GRXCR1: variants seen among roughly 807,000 people sequenced by gnomAD.
GRXCR1 encodes the protein glutaredoxin domain-containing cysteine-rich protein 1.
Under a neutral mutation model 27.3 loss-of-function variants are expected in GRXCR1, and 27 were observed. That is an observed-to-expected ratio of 0.99 (90% CI 0.73 to 1.37). The LOEUF (loss-of-function observed/expected upper bound fraction) is 1.37. GRXCR1 is among the 40% of genes most tolerant of loss of function. The pLI is 0.00. For missense variants in GRXCR1, 379 were observed against 354.4 expected (o/e 1.07, Z -0.56); for synonymous variants, 122 against 131.1 (o/e 0.93, Z 0.47).
chr4:42,981,904 A>G (rs1748679831), intron 2 of GRXCR1, among the ~76,000 whole-genome samples: 1 of 151,984 alleles, frequency 6.6e-6, no homozygotes, highest in Admixed American at 6.6e-5. Context: ...ATGTTTTGGA[A>G]TACTCTTGTT....
chr4:42,973,760 T>A (rs1345710848), intron 2 of GRXCR1, among the ~76,000 whole-genome samples: 2 of 152,090 alleles, frequency 1.3e-5, no homozygotes, highest in Middle Eastern at 3.2e-3. Flanking sequence ...TTCTTACTGG[T>A]TATATTTGAT....
intron 1 of GRXCR1, among the ~76,000 whole-genome samples, chr4:42,941,268 T>C (rs1241917096): frequency 2.6e-5 from 4 of 152,032 alleles, no homozygotes; most frequent in Non-Finnish European, 5.9e-5. Flanking sequence ...CTTTGGTAGT[T>C]TCAATTACCA....
chr4:43,007,249 G>A (rs1413714388), intron 2 of GRXCR1, among the ~76,000 whole-genome samples: 1 of 152,176 alleles, frequency 6.6e-6, no homozygotes, highest in Non-Finnish European at 1.5e-5. Context: ...ATTCAAGCAT[G>A]TGCTGATGCT....
intron 2 of GRXCR1, among the ~76,000 whole-genome samples, chr4:42,971,241 A>G (rs114452149): frequency 0.031 from 4,650 of 152,222 alleles, 79 homozygotes; most frequent in South Asian, 0.058. Flanking sequence ...AAACTTTCCC[A>G]TATCTTTCTC....
intron 1 of GRXCR1, among the ~76,000 whole-genome samples, chr4:42,921,255 T>C (rs918888984): frequency 6.6e-6 from 1 of 152,080 alleles, no homozygotes. Flanking sequence ...TCACCACACA[T>C]GGAATCTGCT....
intron 1 of GRXCR1, among the ~76,000 whole-genome samples, chr4:42,925,475 G>C (rs1355313237): frequency 6.6e-6 from 1 of 152,002 alleles, no homozygotes; most frequent in East Asian, 1.9e-4. Context: ...AATTGCAGCA[G>C]CCCAGTTAAC....
intron 2 of GRXCR1, among the ~76,000 whole-genome samples, chr4:42,975,099 C>T (rs903464167): frequency 6.6e-6 from 1 of 152,076 alleles, no homozygotes; most frequent in Non-Finnish European, 1.5e-5. Context: ...GACATATAAC[C>T]ATTTAAATTT....
rs865793288 is a variant in GRXCR1, at chr4:42,987,262, A to T, written c.627+24128A>T. On this transcript the variant is annotated intron_variant, in intron 2 of 3. Transcript: ENST00000399770. ...ATATAATATATAATATATATATATAATATATATATATATATAGAGAGAGAG... is the reference window on the plus strand; with the variant it reads ...ATATAATATATAATATATATATATATTATATATATATATATAGAGAGAGAG... Among the ~76,000 whole-genome samples the T allele has an allele frequency of 2.4e-3, 176 of 74,138 alleles. 1 individual carries two copies. The highest frequency in any genetic ancestry group is 8.4e-3 in the South Asian group (25 of 2,960). The allele number at this position is 74,138 out of a possible 152,430, so 48.6% of individuals were successfully genotyped here. A position where few individuals can be genotyped will look rare whatever the true frequency, so the allele number is the denominator to read the frequency against.
intron 1 of GRXCR1, among the ~76,000 whole-genome samples, chr4:42,953,323 A>C (rs1415476019): frequency 6.6e-6 from 1 of 152,168 alleles, no homozygotes; most frequent in Non-Finnish European, 1.5e-5. Flanking sequence ...TTCCAAGTGA[A>C]GGCTAGAAAG....
chr4:42,941,989 C>G (rs1747636044), intron 1 of GRXCR1, among the ~76,000 whole-genome samples: 1 of 151,974 alleles, frequency 6.6e-6, no homozygotes, highest in South Asian at 2.1e-4. Flanking sequence ...AAAACTAACA[C>G]AGCAACTTGA....
At chr4:42,904,116 A>C (rs1471492901) in intron 1 of GRXCR1, among the ~76,000 whole-genome samples, 1 of 152,204 alleles carries the variant, frequency 6.6e-6, no homozygotes, top group African/African-American at 2.4e-5. Flanking sequence ...GATCAGCAAG[A>C]TATATGGGTT....
intron 1 of GRXCR1, among the ~76,000 whole-genome samples, chr4:42,895,640 A>G (rs917723846): frequency 6.6e-6 from 1 of 152,110 alleles, no homozygotes; most frequent in Non-Finnish European, 1.5e-5. Flanking sequence ...GTCTGCATGA[A>G]TGGTACCCCT....
chr4:42,985,630 AT>A (rs1191060766), intron 2 of GRXCR1, among the ~76,000 whole-genome samples: 1 of 151,654 alleles, frequency 6.6e-6, no homozygotes, highest in African/African-American at 2.4e-5. Flanking sequence ...GAAAAACTAT[AT>A]TAAATATATT....
At chr4:42,928,442 C>G (rs921500613) in intron 1 of GRXCR1, among the ~76,000 whole-genome samples, 9 of 151,912 alleles carry the variant, frequency 5.9e-5, no homozygotes, top group African/African-American at 2.2e-4. Context: ...CTTCTGCCTC[C>G]CCAGAGTAAG....
intron 1 of GRXCR1, among the ~76,000 whole-genome samples, chr4:42,904,703 C>T (rs1746545433): frequency 6.6e-6 from 1 of 152,152 alleles, no homozygotes; most frequent in Admixed American, 6.5e-5. Context: ...TAAATACTAT[C>T]ATTTTTATTA....
At chr4:42,983,505 G>T (rs1466898505) in intron 2 of GRXCR1, among the ~76,000 whole-genome samples, 2 of 151,478 alleles carry the variant, frequency 1.3e-5, no homozygotes, top group African/African-American at 4.9e-5. Context: ...CTCCAGCTTT[G>T]TTCTTTTGGC....
chr4:42,989,404 T>G (rs1711890689), intron 2 of GRXCR1, among the ~76,000 whole-genome samples: 1 of 152,188 alleles, frequency 6.6e-6, no homozygotes. Context: ...ATTACCTCCT[T>G]AAAAGCCCTA....
At chr4:42,905,517 A>G (rs1018339775) in intron 1 of GRXCR1, among the ~76,000 whole-genome samples, 1 of 152,210 alleles carries the variant, frequency 6.6e-6, no homozygotes, top group African/African-American at 2.4e-5. Flanking sequence ...AAGACATTCA[A>G]AAGAGGCTGT....
intron 2 of GRXCR1, among the ~76,000 whole-genome samples, chr4:42,965,115 G>A (rs1200525248): frequency 2.0e-5 from 3 of 152,024 alleles, no homozygotes; most frequent in Admixed American, 6.6e-5. Flanking sequence ...AGGCTATAAT[G>A]CCCGTCCTGC....
Sources: gnomAD v4.1 joint callset for allele counts (sites outside exome capture counted in the v4.1 genomes callset) on GRCh38, gnomAD v4.1.1 for gene constraint, MANE v1.5 for transcripts, NCBI Gene and HGNC (gene_info 2026-07-23, HGNC 2026-07-21) for gene names.